Variants in CFAP298 observed in about 807,000 individuals in gnomAD.
The protein encoded by CFAP298 is cilia- and flagella-associated protein 298.
In CFAP298, 38 loss-of-function variants were observed where a neutral mutation model predicts 41.0. The ratio of observed to expected loss-of-function variants is 0.93; its 90% CI spans 0.72 to 1.22. The LOEUF (loss-of-function observed/expected upper bound fraction) is 1.22. Ranked by LOEUF, CFAP298 falls within the 50% of genes most tolerant of loss-of-function variation. The pLI is 0.00. For missense variants in CFAP298, 348 were observed against 360.3 expected (o/e 0.97, Z 0.28); for synonymous variants, 137 against 135.3 (o/e 1.01, Z -0.09).
Position 32,612,296 on chromosome 21 carries a change from G to A in CFAP298, c.-53C>T. On this transcript the variant is annotated 5_prime_UTR_variant, in exon 1 of 7. Coordinates refer to ENST00000290155, the MANE Select transcript of CFAP298 (RefSeq NM_021254.4). ...TGAGAAGGCCCCGGCTGCGTGGCCCGCGGGTCCTGCCGGCCGAGGGTCGCC... is the reference window on the plus strand; with the variant it reads ...TGAGAAGGCCCCGGCTGCGTGGCCCACGGGTCCTGCCGGCCGAGGGTCGCC... 1 of 1,385,548 alleles carries A rather than the reference G, an allele frequency of 7.2e-7. No individual in the cohort carries two copies. Among genetic ancestry groups the A allele is most frequent in the Non-Finnish European group, 9.8e-7 (1 of 1,019,856 alleles). 85.8% of individuals were successfully genotyped at this position (1,385,548 alleles called of 1,614,324 possible). A position where few individuals can be genotyped will look rare whatever the true frequency, so the allele number is the denominator to read the frequency against.
chr21:32,604,197 G>T lies in CFAP298; in HGVS notation c.462C>A (p.Tyr154Ter), dbSNP rs776752785. ...DQLRGAVMIV[Y>*]PMGLPPYDPI... is the part of the protein sequence containing the mutation. ...GATCATACGGTGGCAACCCCATGGG[G>T]TAAACAATCATCACCGCGCCTCGAA... Residue 154 changes from tyrosine to a stop codon, truncating the protein, a stop_gained, in exon 4 of 7, where the codon TAC becomes TAA. Coordinates refer to ENST00000290155, the MANE Select transcript of CFAP298 (RefSeq NM_021254.4). LOFTEE classifies it high-confidence loss of function. The T allele has an allele frequency of 1.2e-6, 2 of 1,614,084 alleles. No individual in the cohort carries two copies. Among genetic ancestry groups the T allele is most frequent in the Non-Finnish European group, 1.7e-6 (2 of 1,180,012 alleles).
In CFAP298 at chr21:32,609,954, C is replaced by G; in HGVS notation, c.191G>C (p.Gly64Ala). ...TTCTTCAATCTGATCATCGGTCAGT[C>G]CTTGCATATTAGGAGGGAGAAATAT... is the stretch of plus-strand genomic sequence containing the variant. ...HGIFLPPNMQ[G>A]LTDDQIEELK... Residue 64 changes from glycine to alanine, a missense_variant, in exon 2 of 7, where the codon GGA (glycine) becomes GCA (alanine). By Grantham distance (60) the Gly-to-Ala change is moderately conservative. Transcript: ENST00000290155. 6.2e-7 allele frequency: 1 copy of G among 1,613,898 alleles called. No homozygotes were observed. The highest frequency in any genetic ancestry group is 8.5e-7 in the Non-Finnish European group (1 of 1,179,930).
At chr21:32,605,632 G>A (rs1726616903) in intron 3 of CFAP298, among the ~76,000 whole-genome samples, 1 of 152,152 alleles carries the variant, frequency 6.6e-6, no homozygotes, top group Non-Finnish European at 1.5e-5. Context: ...TGATGTGCCG[G>A]GTGACACACA....
intron 4 of CFAP298, 125 bp downstream of exon 4, chr21:32,604,000 G>A: frequency 1.1e-6 from 1 of 906,486 alleles, no homozygotes; most frequent in Non-Finnish European, 1.7e-6. Context: ...CTCTGAAGCA[G>A]GGCATAGCAA....
At chr21:32,607,888 C>A (rs1248333207) in intron 2 of CFAP298, among the ~76,000 whole-genome samples, 172 bp from the exon 3 acceptor site, 1 of 152,134 alleles carries the variant, frequency 6.6e-6, no homozygotes, top group Non-Finnish European at 1.5e-5. Context: ...TAGGTGAAGA[C>A]CTCTTCCCAA....
chr21:32,608,516 G>C (rs947065631), intron 2 of CFAP298, among the ~76,000 whole-genome samples: 1 of 151,936 alleles, frequency 6.6e-6, no homozygotes, highest in African/African-American at 2.4e-5. Context: ...AATTAGCCGG[G>C]CATGGTAGCA....
rs1720138 is a variant in CFAP298, at chr21:32,599,698, T to C, written c.*2165A>G. On this transcript the variant is annotated 3_prime_UTR_variant, in exon 7 of 7. Coordinates refer to ENST00000290155, the MANE Select transcript of CFAP298 (RefSeq NM_021254.4). The stretch of plus-strand genomic sequence containing the variant: ...GACCTTGGGTGAGTCAGCAAGTGGA[T>C]GCAAAGGGAACACACACAGCACGGT... 0.099 allele frequency among the ~76,000 whole-genome samples: 15,113 copies of C among 152,184 alleles called. 901 individuals are homozygous for C. The highest frequency in any genetic ancestry group is 0.16 in the African/African-American group (6,722 of 41,480).
chr21:32,603,112 G>C (rs2038783610), intron 5 of CFAP298, 49 bp downstream of exon 5: 1 of 1,599,010 alleles, frequency 6.3e-7, no homozygotes, highest in Admixed American at 1.7e-5. Context: ...TTATCAGTTT[G>C]AAGGGAAATA....
chr21:32,611,341 T>TATATATATATATATATACATATATA (rs1491095261), intron 1 of CFAP298, among the ~76,000 whole-genome samples: 7 of 118,454 alleles, frequency 5.9e-5, no homozygotes, highest in African/African-American at 2.9e-4. Context: ...ATATATATAA[T>TATATATATATATATATACATATATA]TTATTTATAT....
intron 3 of CFAP298, among the ~76,000 whole-genome samples, chr21:32,604,831 T>C (rs1337812640): frequency 6.6e-6 from 1 of 152,224 alleles, no homozygotes; most frequent in Non-Finnish European, 1.5e-5. Flanking sequence ...CGACTGCCTT[T>C]TCTGGGAAGG....
rs148094798 is a variant in CFAP298 at position 32,605,762 on chromosome 21, A to G, written c.376-1479T>C. Among the ~76,000 whole-genome samples the G allele has an allele frequency of 2.2e-3, 329 of 152,224 alleles. 3 individuals carry two copies. Among genetic ancestry groups the G allele is most frequent in the African/African-American group, 7.6e-3 (316 of 41,536 alleles). On this transcript the variant is annotated intron_variant, in intron 3 of 6. Coordinates refer to ENST00000290155, the MANE Select transcript of CFAP298 (RefSeq NM_021254.4). ...TAAGAGGAGTCTTGTTGGTGATCTC[A>G]CCCTTTAACTTTTAGGTCTGATGCT...
At chr21:32,610,351 A>T (rs1684757530) in intron 1 of CFAP298, among the ~76,000 whole-genome samples, 1 of 152,248 alleles carries the variant, frequency 6.6e-6, no homozygotes, top group East Asian at 1.9e-4. Flanking sequence ...AGTAGCTGGG[A>T]CAACAGGCAT....
intron 3 of CFAP298, 98 bp from the exon 4 acceptor site, chr21:32,604,381 C>A: frequency 7.3e-7 from 1 of 1,372,022 alleles, no homozygotes; most frequent in Non-Finnish European, 1.0e-6. Flanking sequence ...ACTGCCAGAG[C>A]AACAAAAAGA....
chr21:32,606,822 T>G (rs2038876328), intron 3 of CFAP298, among the ~76,000 whole-genome samples: 1 of 152,232 alleles, frequency 6.6e-6, no homozygotes, highest in South Asian at 2.1e-4. Context: ...AGATACCACT[T>G]CTTTCAATAG....
intron 6 of CFAP298, 86 bp from the exon 7 acceptor site, chr21:32,602,059 C>T: frequency 1.1e-6 from 1 of 944,452 alleles, no homozygotes. Context: ...CCATGACTGA[C>T]CTCCCCCTCT....
chr21:32,610,955 A>C (rs1188802533), intron 1 of CFAP298, among the ~76,000 whole-genome samples: 1 of 152,138 alleles, frequency 6.6e-6, no homozygotes, highest in Non-Finnish European at 1.5e-5. Context: ...CAAGTTCAAA[A>C]ACTATGCTGT....
chr21:32,607,349 T>A lies in CFAP298; in HGVS notation c.375+300A>T, dbSNP rs1374031392. 3.9e-4 allele frequency among the ~76,000 whole-genome samples: 60 copies of A among 152,166 alleles called. 1 individual carries two copies. Among genetic ancestry groups the A allele is most frequent in the Non-Finnish European group, 1.5e-5 (1 of 68,004 alleles). On this transcript the variant is annotated intron_variant, in intron 3 of 6. Coordinates refer to ENST00000290155, the MANE Select transcript of CFAP298 (RefSeq NM_021254.4). ...TGGCTCATGCCTGTAATCCCAGCACTTTGGGAGGCCAAGACAGGCGGATCA... is the reference window on the plus strand; with the variant it reads ...TGGCTCATGCCTGTAATCCCAGCACATTGGGAGGCCAAGACAGGCGGATCA...
At position 32,609,852 on chromosome 21, in the gene CFAP298, C is replaced by T. The variant is rs762660612; in HGVS notation, c.293G>A (p.Arg98Gln). 2.1e-5 allele frequency: 34 copies of T among 1,613,422 alleles called. No individual in the cohort carries two copies. The highest frequency in any genetic ancestry group is 2.7e-5 in the Non-Finnish European group (32 of 1,179,652). ...TCCTCACTTACCTTGCCCATTCCTT[C>T]GTCCAATATCATCCTTTTTAAACAC... ...GAVFKKDDIG[R>Q]RNGQAPNEKM... The change falls in exon 2 of 7, where the codon CGA (arginine) becomes CAA (glutamine). Residue 98 changes from arginine (R) to glutamine (Q), a missense_variant. Transcript: ENST00000290155.
chr21:32,605,329 G>A (rs1160148885), intron 3 of CFAP298, among the ~76,000 whole-genome samples: 1 of 152,222 alleles, frequency 6.6e-6, no homozygotes, highest in African/African-American at 2.4e-5. Flanking sequence ...CTGAGTGACA[G>A]GAGTGTCTTG....
Sources: gnomAD v4.1 joint callset for allele counts (sites outside exome capture counted in the v4.1 genomes callset) on GRCh38, gnomAD v4.1.1 for gene constraint, MANE v1.5 for transcripts, NCBI Gene and HGNC (gene_info 2026-07-23, HGNC 2026-07-21) for gene names.